The following CRTC3 variants were observed in gnomAD, a reference collection of about 807,000 sequenced individuals.
CRTC3 encodes the protein CREB-regulated transcription coactivator 3.
CRTC3 carries 26 observed loss-of-function variants against 74.5 expected under a neutral mutation model. That is an observed-to-expected ratio of 0.35 (90% CI 0.26 to 0.48). The LOEUF (loss-of-function observed/expected upper bound fraction) is 0.48. Ranked by LOEUF, CRTC3 falls within the 20% of genes least tolerant of loss-of-function variation. CRTC3 has a pLI of 0.99. For missense variants in CRTC3, 760 were observed against 787.3 expected, an observed-to-expected ratio of 0.97 and a Z score of 0.41; for synonymous variants, 377 against 325.8, an observed-to-expected ratio of 1.16 and a Z score of -1.69.
intron 2 of CRTC3, among the ~76,000 whole-genome samples, chr15:90,579,696 C>T (rs1176646039): frequency 7.7e-6 from 1 of 129,570 alleles, no homozygotes. Flanking sequence ...GGCTGGAGTG[C>T]AATGGCACAA....
In CRTC3 at chr15:90,564,994, G is replaced by C. The variant is rs77874426; in HGVS notation, c.231+24857G>C. ...TTTCGCTCTTTTTGCCCAGGCTGGAGTGCAATGATGCGATCTTGGCTCACC... is the reference window on the plus strand; with the variant it reads ...TTTCGCTCTTTTTGCCCAGGCTGGACTGCAATGATGCGATCTTGGCTCACC... On this transcript the variant is annotated intron_variant, in intron 2 of 14. Transcript: ENST00000268184. 7.9e-3 allele frequency among the ~76,000 whole-genome samples: 1,194 copies of C among 151,754 alleles called. 46 individuals are homozygous for C. The East Asian group carries it at 0.12, about 15-fold the overall frequency.
At chr15:90,632,895 C>T (rs1969092242) in intron 11 of CRTC3, among the ~76,000 whole-genome samples, 1 of 152,216 alleles carries the variant, frequency 6.6e-6, no homozygotes, top group African/African-American at 2.4e-5. Flanking sequence ...TGAGCCACCT[C>T]ACCCAGCCTA....
At chr15:90,569,469 G>A (rs1243290388) in intron 2 of CRTC3, among the ~76,000 whole-genome samples, 3 of 88,888 alleles carry the variant, frequency 3.4e-5, no homozygotes, top group Non-Finnish European at 5.3e-5. Flanking sequence ...ACAGGCATGC[G>A]CCACCACACC....
In CRTC3 at chr15:90,607,384, T is replaced by C. The variant is rs766563937; in HGVS notation, c.483T>C (p.Asn161=). The C allele has an allele frequency of 1.2e-6, 2 of 1,610,524 alleles. No individual in the cohort carries two copies. The highest frequency in any genetic ancestry group is 1.7e-5 in the Admixed American group (1 of 59,690). The stretch of plus-strand genomic sequence containing the variant: ...TCTCTCCTCCCCTCCTTAGGACCAA[T>C]TCTGATTCTGCTCTTCACACGAGTG... ...FRLTSALNRT[N]SDSALHTSAL... is the part of the protein sequence containing the mutation. The change falls in exon 6 of 15, where the codon AAT becomes AAC. Residue 161 remains asparagine (N), a synonymous_variant. Coordinates refer to ENST00000268184, the MANE Select transcript of CRTC3 (RefSeq NM_022769.5).
intron 9 of CRTC3, among the ~76,000 whole-genome samples, chr15:90,622,929 C>T (rs1040687601): frequency 1.3e-5 from 2 of 152,180 alleles, no homozygotes; most frequent in Admixed American, 1.3e-4. Flanking sequence ...CTTCCTCACC[C>T]TCCGGTTGGA....
chr15:90,546,189 CT>C (rs1277286260), intron 2 of CRTC3, among the ~76,000 whole-genome samples: 3 of 152,034 alleles, frequency 2.0e-5, no homozygotes, highest in Non-Finnish European at 4.4e-5. Context: ...GTCTTTTACA[CT>C]TAAGTAAATT....
intron 3 of CRTC3, chr15:90,598,436 C>T (rs1866233923): frequency 2.8e-6 from 2 of 703,000 alleles, no homozygotes; most frequent in African/African-American, 1.7e-5. Flanking sequence ...ACTGTTCCCT[C>T]TAACACTCCA....
Position 90,621,190 on chromosome 15 carries a change from A to AT in CRTC3, c.749+1404dup, listed in dbSNP as rs1968640385. Among the ~76,000 whole-genome samples, 3 of 151,298 alleles carry AT rather than the reference A, an allele frequency of 2.0e-5. No individual in the cohort carries two copies. The South Asian group carries it at 6.3e-4, about 32-fold the overall frequency. On this transcript the variant is annotated intron_variant, in intron 9 of 14. Coordinates refer to ENST00000268184, the MANE Select transcript of CRTC3 (RefSeq NM_022769.5). ...AACAAAAACAAAAACAAAAACAAAC[A>AT]TTTTCCTCAAGAATCAATTTTGGCT... is the stretch of plus-strand genomic sequence containing the variant.
At chr15:90,606,548 C>T (rs980740261) in intron 5 of CRTC3, among the ~76,000 whole-genome samples, 1 of 151,590 alleles carries the variant, frequency 6.6e-6, no homozygotes, top group East Asian at 1.9e-4. Flanking sequence ...GGCAACAGAG[C>T]GAGACTCTGT....
At chr15:90,604,553 T>C in intron 5 of CRTC3, 106 bp downstream of exon 5, 1 of 863,856 alleles carries the variant, frequency 1.2e-6, no homozygotes, top group South Asian at 1.4e-5. Context: ...TAAGCTGTGT[T>C]GATATGACAT....
chr15:90,550,153 G>A (rs1966852151), intron 2 of CRTC3, among the ~76,000 whole-genome samples: 1 of 151,614 alleles, frequency 6.6e-6, no homozygotes. Flanking sequence ...AATTGGCTGA[G>A]TGTGGTGGCT....
chr15:90,532,954 G>A (rs903675968), intron 1 of CRTC3, among the ~76,000 whole-genome samples: 7 of 151,402 alleles, frequency 4.6e-5, no homozygotes, highest in African/African-American at 9.7e-5. Flanking sequence ...GCATGGTGGC[G>A]TGCGCCTGTA....
intron 11 of CRTC3, among the ~76,000 whole-genome samples, chr15:90,632,076 ATT>A (rs5814442): frequency 6.9e-6 from 1 of 145,212 alleles, no homozygotes; most frequent in Admixed American, 6.8e-5. Flanking sequence ...TAATTTTTGT[ATT>A]TTTTTTTTTT....
Position 90,617,917 on chromosome 15 carries a change from T to A in CRTC3, c.648T>A (p.Asn216Lys). 1 of 1,613,040 alleles carries A rather than the reference T, an allele frequency of 6.2e-7. No individual in the cohort carries two copies. Among genetic ancestry groups the A allele is most frequent in the Non-Finnish European group, 8.5e-7 (1 of 1,179,218 alleles). ...TCCCTGGCCCATTGAAAGAAGAGAA[T>A]CTGTTAAATGTTCCGAAGCCACTGC... The part of the protein sequence containing the change: ...ASFPGPLKEE[N>K]LLNVPKPLPK... The change falls in exon 8 of 15, where the codon AAT (asparagine) becomes AAA (lysine). Residue 216 changes from asparagine (N) to lysine (K), a missense_variant. Physicochemically the swap from Asn to Lys is moderately conservative, Grantham distance 94 (BLOSUM62 0). Coordinates refer to ENST00000268184, the MANE Select transcript of CRTC3 (RefSeq NM_022769.5).
At chr15:90,588,259 CAA>C (rs11397268) in intron 2 of CRTC3, among the ~76,000 whole-genome samples, 4 of 137,814 alleles carry the variant, frequency 2.9e-5, no homozygotes, top group African/African-American at 2.7e-5. Flanking sequence ...GACTCTGTCT[CAA>C]AAAAAAAAAA....
At chr15:90,608,546 C>T (rs1968285355) in intron 6 of CRTC3, among the ~76,000 whole-genome samples, 1 of 152,336 alleles carries the variant, frequency 6.6e-6, no homozygotes, top group Non-Finnish European at 1.5e-5. Context: ...ACCTTCCTTC[C>T]TCTCAGCTCA....
rs760894740 is a variant in CRTC3, at chr15:90,642,118, C to T, written c.1838C>T (p.Thr613Met). The T allele has an allele frequency of 7.4e-6, 12 of 1,613,806 alleles. No homozygotes were observed. Among genetic ancestry groups the T allele is most frequent in the South Asian group, 4.4e-5 (4 of 91,080 alleles). Reference sequence around the variant, plus strand: ...CTGCTGGACCCCTCTGTTGAAGAGACGTTTCGAGCTGACAGACTGTGAACA... The same window carrying T: ...CTGCTGGACCCCTCTGTTGAAGAGATGTTTCGAGCTGACAGACTGTGAACA... ...MGLLDPSVEE[T>M]FRADRL Residue 613 changes from threonine (T) to methionine (M), a missense_variant, in exon 15 of 15, where the codon ACG becomes ATG. Physicochemically the swap from Thr to Met is moderately conservative, Grantham distance 81. Transcript: ENST00000268184.
intron 3 of CRTC3, among the ~76,000 whole-genome samples, chr15:90,597,277 C>T (rs796090936): frequency 1.1e-3 from 164 of 152,350 alleles, no homozygotes; most frequent in African/African-American, 3.8e-3. Context: ...GTGCCGTGTC[C>T]CAAACACCAT....
chr15:90,576,679 G>T (rs1967412553), intron 2 of CRTC3, among the ~76,000 whole-genome samples: 1 of 152,182 alleles, frequency 6.6e-6, no homozygotes, highest in Admixed American at 6.5e-5. Context: ...AAATGGGACG[G>T]CATGGAGCCC....
Sources: gnomAD v4.1 joint callset for allele counts (sites outside exome capture counted in the v4.1 genomes callset) on GRCh38, gnomAD v4.1.1 for gene constraint, MANE v1.5 for transcripts, NCBI Gene and HGNC (gene_info 2026-07-23, HGNC 2026-07-21) for gene names.